Variants in SUCLG2 observed in about 807,000 individuals in gnomAD.
SUCLG2 encodes the protein succinate-CoA ligase GDP-forming subunit beta, also known as succinate--CoA ligase [GDP-forming] subunit beta, mitochondrial.
A neutral mutation model predicts 47.9 loss-of-function variants in SUCLG2; 42 were observed. The ratio of observed to expected loss-of-function variants is 0.88; its 90% CI spans 0.69 to 1.14. The LOEUF is 1.14. SUCLG2 is among the 50% of genes most tolerant of loss of function. The pLI is 0.00. For missense variants in SUCLG2, 571 were observed against 525.9 expected (o/e 1.09, Z -0.84); for synonymous variants, 195 against 197.3 (o/e 0.99, Z 0.10).
At chr3:67,621,384 C>A (rs80115053) in intron 1 of SUCLG2, among the ~76,000 whole-genome samples, 1,977 of 152,204 alleles carry the variant, frequency 0.013, 56 homozygotes, top group African/African-American at 0.045. Context: ...AGTTGATATG[C>A]ATGTGGTAAA....
At chr3:67,443,311 G>A (rs1385476643) in intron 9 of SUCLG2, among the ~76,000 whole-genome samples, 3 of 21,566 alleles carry the variant, frequency 1.4e-4, no homozygotes, top group African/African-American at 4.2e-4. Context: ...GGAGTTCAGC[G>A]GGCAGCGGAG....
intron 1 of SUCLG2, among the ~76,000 whole-genome samples, chr3:67,615,651 C>T (rs1450033426): frequency 1.3e-5 from 2 of 151,298 alleles, no homozygotes; most frequent in African/African-American, 4.9e-5. Flanking sequence ...CACACACACA[C>T]GAGATCTGAT....
At chr3:67,526,260 TACACTA>T (rs1408038181) in intron 4 of SUCLG2, among the ~76,000 whole-genome samples, 2 of 152,176 alleles carry the variant, frequency 1.3e-5, no homozygotes, top group East Asian at 1.9e-4. Flanking sequence ...GCACATAAAA[TACACTA>T]ACACTAACAA....
At chr3:67,489,244 T>C (rs1293228173) in intron 9 of SUCLG2, among the ~76,000 whole-genome samples, 5 of 152,154 alleles carry the variant, frequency 3.3e-5, no homozygotes, top group African/African-American at 1.2e-4. Context: ...AAATTTTAAT[T>C]AACTAGACAT....
At chr3:67,460,233 A>G (rs1485370276) in intron 9 of SUCLG2, among the ~76,000 whole-genome samples, 1 of 152,236 alleles carries the variant, frequency 6.6e-6, no homozygotes, top group African/African-American at 2.4e-5. Flanking sequence ...GCTAAGAATA[A>G]TAACAGTGGT....
chr3:67,383,308 A>G (rs1702196989), intron 10 of SUCLG2, among the ~76,000 whole-genome samples: 1 of 152,230 alleles, frequency 6.6e-6, no homozygotes, highest in African/African-American at 2.4e-5. Flanking sequence ...TCCATTTTGC[A>G]GAGGAAGAAG....
At chr3:67,632,819 A>G (rs963363801) in intron 1 of SUCLG2, among the ~76,000 whole-genome samples, 2 of 152,172 alleles carry the variant, frequency 1.3e-5, no homozygotes, top group African/African-American at 2.4e-5. Flanking sequence ...GACCTTAATC[A>G]CTTTGCTGCC....
At chr3:67,380,741 A>G (rs959457148) in intron 10 of SUCLG2, among the ~76,000 whole-genome samples, 6 of 152,068 alleles carry the variant, frequency 3.9e-5, no homozygotes, top group African/African-American at 1.2e-4. Context: ...GAGACAAGAG[A>G]CAGAGTCATG....
At chr3:67,631,622 G>A (rs1463196791) in intron 1 of SUCLG2, among the ~76,000 whole-genome samples, 1 of 151,858 alleles carries the variant, frequency 6.6e-6, no homozygotes, top group Non-Finnish European at 1.5e-5. Flanking sequence ...GTGAGACTCC[G>A]TTTCAAAAAA....
At chr3:67,460,730 C>T (rs1704309981) in intron 9 of SUCLG2, among the ~76,000 whole-genome samples, 1 of 152,140 alleles carries the variant, frequency 6.6e-6, no homozygotes, top group African/African-American at 2.4e-5. Flanking sequence ...GGAAATCTAG[C>T]TTCTCATCCT....
At chr3:67,402,238 T>C (rs1436886910) in intron 9 of SUCLG2, among the ~76,000 whole-genome samples, 1 of 152,250 alleles carries the variant, frequency 6.6e-6, no homozygotes, top group African/African-American at 2.4e-5. Flanking sequence ...GTGAAATGTT[T>C]ACCACATGGC....
At chr3:67,388,321 A>G (rs1702303379) in intron 10 of SUCLG2, among the ~76,000 whole-genome samples, 2 of 152,200 alleles carry the variant, frequency 1.3e-5, no homozygotes, top group South Asian at 2.1e-4. Context: ...AAAGCAAGAG[A>G]GCTTTGGACA....
chr3:67,598,238 T>TA (rs1708338780), intron 2 of SUCLG2, among the ~76,000 whole-genome samples: 1 of 152,064 alleles, frequency 6.6e-6, no homozygotes, highest in Non-Finnish European at 1.5e-5. Flanking sequence ...CACCTCGGCC[T>TA]CCCAAAGTGC....
intron 10 of SUCLG2, among the ~76,000 whole-genome samples, chr3:67,382,728 TTGCAATG>T (rs1702184735): frequency 6.6e-6 from 1 of 152,200 alleles, no homozygotes; most frequent in South Asian, 2.1e-4. Context: ...TGTTTGCGCT[TTGCAATG>T]GGAGGAGTCA....
At chr3:67,551,028 G>A (rs2107194608) in intron 2 of SUCLG2, among the ~76,000 whole-genome samples, 1 of 152,196 alleles carries the variant, frequency 6.6e-6, no homozygotes, top group Non-Finnish European at 1.5e-5. Context: ...GTTGCCTATT[G>A]GGCAAAATAA....
At chr3:67,466,702 C>T (rs557283383) in intron 9 of SUCLG2, among the ~76,000 whole-genome samples, 2 of 152,176 alleles carry the variant, frequency 1.3e-5, no homozygotes, top group Admixed American at 6.5e-5. Context: ...TTCTCCCTTT[C>T]GATCAAGTAC....
intron 9 of SUCLG2, among the ~76,000 whole-genome samples, chr3:67,415,966 C>T (rs77072359): frequency 0.059 from 8,930 of 152,244 alleles, 353 homozygotes; most frequent in Middle Eastern, 0.13. Flanking sequence ...AAGCCAACTG[C>T]CAAGCCATAA....
In SUCLG2 at chr3:67,503,070, G is replaced by A. The variant is rs116439356; in HGVS notation, c.758-4775C>T. On this transcript the variant is annotated intron_variant, in intron 7 of 10. Transcript: ENST00000307227. ...GAATAACAGATTGGAACATAGCCTC[G>A]TTCATATTGCCTATGGCTGCCTTCC... Among the ~76,000 whole-genome samples, 1,226 of 152,220 alleles carry A rather than the reference G, an allele frequency of 8.1e-3. 16 individuals are homozygous for A. The highest frequency in any genetic ancestry group is 0.028 in the African/African-American group (1,159 of 41,518).
chr3:67,398,445 G>T (rs552152922), intron 10 of SUCLG2, among the ~76,000 whole-genome samples: 1 of 151,752 alleles, frequency 6.6e-6, no homozygotes, highest in Non-Finnish European at 1.5e-5. Flanking sequence ...GGCCATCAGA[G>T]AAATGCAAAT....
Sources: allele counts gnomAD v4.1 joint callset (sites outside exome capture counted in the v4.1 genomes callset), GRCh38; gene constraint gnomAD v4.1.1; transcripts MANE v1.5; gene names NCBI Gene and HGNC (gene_info 2026-07-23, HGNC 2026-07-21).